Variants in JAK1 observed in about 807,000 individuals in gnomAD.
The protein encoded by JAK1 is tyrosine-protein kinase JAK1.
Under a neutral mutation model 136.6 loss-of-function variants are expected in JAK1, and 16 were observed. That is an observed-to-expected ratio of 0.12 (90% CI 0.08 to 0.18). JAK1 has a LOEUF of 0.18. Among genes scored for constraint, JAK1 ranks in the 10% least tolerant of loss-of-function variants. The probability of loss-of-function intolerance (pLI) is 1.00; values close to 1 mark genes in which losing one functional copy is unlikely to be tolerated. For missense variants in JAK1, 859 were observed against 1,450.1 expected, an observed-to-expected ratio of 0.59 and a Z score of 6.62; for synonymous variants, 492 against 519.5, an observed-to-expected ratio of 0.95 and a Z score of 0.72.
At chr1:64,939,252 G>A (rs1408760771) in intron 1 of JAK1, among the ~76,000 whole-genome samples, 1 of 152,260 alleles carries the variant, frequency 6.6e-6, no homozygotes, top group Admixed American at 6.5e-5. Context: ...GTGAGCAACA[G>A]ATCTAGGCAT....
rs912475955 is a variant in JAK1, at chr1:65,016,834, G to A, written c.-78+27646C>T. On this transcript the variant is annotated intron_variant, in intron 2 of 25. Coordinates refer to the JAK1 transcript ENST00000671954. Reference sequence around the variant, plus strand: ...AATTGCTTGAACCCGAGAGGCAGAGGTTGCAGTGAGCCGAGATCGCGCCAC... The same window carrying A: ...AATTGCTTGAACCCGAGAGGCAGAGATTGCAGTGAGCCGAGATCGCGCCAC... Among the ~76,000 whole-genome samples, 7 of 151,714 alleles carry A rather than the reference G, an allele frequency of 4.6e-5. 1 individual carries two copies. The East Asian group carries it at 1.4e-3, about 30-fold the overall frequency.
At chr1:64,977,439 A>C (rs1569803096) in intron 2 of JAK1, among the ~76,000 whole-genome samples, 1 of 148,992 alleles carries the variant, frequency 6.7e-6, no homozygotes, top group Non-Finnish European at 1.5e-5. Flanking sequence ...GGCATGAGCC[A>C]CTGCACCCAG....
rs879905363 is a variant in JAK1 at position 65,000,500 on chromosome 1, TA to T, written c.-78+43979del. Among the ~76,000 whole-genome samples, 706 of 141,086 alleles carry T rather than the reference TA, an allele frequency of 5.0e-3. 5 individuals carry two copies. Among genetic ancestry groups the T allele is most frequent in the Admixed American group, 6.8e-3 (96 of 14,094 alleles). The allele number at this position is 141,086 out of a possible 152,430, so 92.6% of individuals were successfully genotyped here. ...CTTGGGTGAGAGAGACCCCATCTCT[TA>T]AAAAAAAAAAAAATAACTACAAAGC... is the stretch of plus-strand genomic sequence containing the variant. On this transcript the variant is annotated intron_variant, in intron 2 of 25. Transcript: ENST00000671954.
intron 2 of JAK1, among the ~76,000 whole-genome samples, chr1:64,983,623 A>G (rs1249490315): frequency 6.6e-6 from 1 of 152,202 alleles, no homozygotes; most frequent in Non-Finnish European, 1.5e-5. Flanking sequence ...TGGTGGGGTT[A>G]CTTAAAAAGT....
intron 2 of JAK1, among the ~76,000 whole-genome samples, chr1:65,039,843 T>A (rs1039414765): frequency 1.3e-5 from 2 of 152,312 alleles, no homozygotes; most frequent in Admixed American, 6.5e-5. Context: ...GCCTCTGTAT[T>A]AGTTTCCAAT....
chr1:64,914,307 A>G (rs1177968969), intron 1 of JAK1, among the ~76,000 whole-genome samples: 1 of 152,194 alleles, frequency 6.6e-6, no homozygotes, highest in East Asian at 1.9e-4. Flanking sequence ...ATGAAGAGGG[A>G]ACAATTTTAA....
intron 1 of JAK1, among the ~76,000 whole-genome samples, chr1:65,054,315 T>TA (rs756888107): frequency 6.6e-6 from 1 of 152,158 alleles, no homozygotes; most frequent in Non-Finnish European, 1.5e-5. Context: ...GGATACTTTT[T>TA]AAAACTATAC....
intron 7 of JAK1, among the ~76,000 whole-genome samples, chr1:64,866,105 G>A (rs1047950376): frequency 6.6e-6 from 1 of 152,096 alleles, no homozygotes; most frequent in African/African-American, 2.4e-5. Context: ...AATTGTAACG[G>A]CTATAATAAT....
At chr1:64,904,009 T>C (rs762933447) in intron 1 of JAK1, among the ~76,000 whole-genome samples, 2 of 152,252 alleles carry the variant, frequency 1.3e-5, no homozygotes, top group Non-Finnish European at 2.9e-5. Flanking sequence ...ACATAGCTAG[T>C]TCAGTGCTCT....
chr1:65,031,122 C>T (rs1452493250), intron 2 of JAK1, among the ~76,000 whole-genome samples: 1 of 147,386 alleles, frequency 6.8e-6, no homozygotes, highest in Non-Finnish European at 1.5e-5. Context: ...TCACTACACT[C>T]CAGCCTAGGC....
chr1:64,875,372 G>A (rs991951137), intron 4 of JAK1, among the ~76,000 whole-genome samples: 4 of 152,236 alleles, frequency 2.6e-5, no homozygotes, highest in African/African-American at 7.2e-5. Context: ...AGATAGAAAC[G>A]GAAGCGGCAG....
chr1:64,922,057 G>A (rs779152414), intron 1 of JAK1, among the ~76,000 whole-genome samples: 1 of 151,720 alleles, frequency 6.6e-6, no homozygotes, highest in South Asian at 2.1e-4. Flanking sequence ...CACCCTTCCT[G>A]AGACACAGGG....
At chr1:65,058,814 C>G (rs1647662410) in intron 1 of JAK1, among the ~76,000 whole-genome samples, 1 of 152,162 alleles carries the variant, frequency 6.6e-6, no homozygotes, top group African/African-American at 2.4e-5. Context: ...TATTTCACAG[C>G]TTATCTCTTC....
chr1:65,030,481 GGTGA>G (rs549034315), intron 2 of JAK1, among the ~76,000 whole-genome samples: 1 of 152,024 alleles, frequency 6.6e-6, no homozygotes, highest in Non-Finnish European at 1.5e-5. Context: ...AAAACTAGTG[GGTGA>G]GTGTTTGATG....
intron 1 of JAK1, among the ~76,000 whole-genome samples, chr1:64,910,179 A>G (rs1162623327): frequency 6.6e-6 from 1 of 152,236 alleles, no homozygotes; most frequent in Non-Finnish European, 1.5e-5. Context: ...ATAAGAACAC[A>G]TTGAATAAAA....
chr1:64,973,307 G>C (rs185607279), intron 2 of JAK1, among the ~76,000 whole-genome samples: 49 of 143,598 alleles, frequency 3.4e-4, no homozygotes, highest in Non-Finnish European at 6.6e-4. Flanking sequence ...AAGAAAGAGA[G>C]AGAAAGGAAG....
At chr1:64,954,417 C>T (rs1172411573) in intron 1 of JAK1, among the ~76,000 whole-genome samples, 1 of 152,216 alleles carries the variant, frequency 6.6e-6, no homozygotes, top group Non-Finnish European at 1.5e-5. Flanking sequence ...GGATGATGTG[C>T]TACAAATCCC....
chr1:65,002,582 C>T (rs1380778112), intron 2 of JAK1: 1 of 152,304 alleles, frequency 6.6e-6, no homozygotes, highest in Non-Finnish European at 1.5e-5. Flanking sequence ...CCAGGGAGCG[C>T]TCAGTAACGC....
At chr1:64,988,048 T>A (rs1569829090) in intron 2 of JAK1, among the ~76,000 whole-genome samples, 1 of 152,198 alleles carries the variant, frequency 6.6e-6, no homozygotes, top group African/African-American at 2.4e-5. Flanking sequence ...TATGCTAGAG[T>A]TGGCCTTCCC....
Sources: gnomAD v4.1 joint callset for allele counts (sites outside exome capture counted in the v4.1 genomes callset) on GRCh38, gnomAD v4.1.1 for gene constraint, MANE v1.5 for transcripts, NCBI Gene and HGNC (gene_info 2026-07-23, HGNC 2026-07-21) for gene names.